Variants in CDH18 observed in about 807,000 individuals in gnomAD.
CDH18 encodes the protein cadherin-18.
CDH18 carries 31 observed loss-of-function variants against 67.9 expected under a neutral mutation model. The observed-to-expected ratio is 0.46, with a 90% CI of 0.34 to 0.62. The LOEUF is 0.62. Among genes scored for constraint, CDH18 ranks in the 20% least tolerant of loss-of-function variants. The pLI, the probability that CDH18 is intolerant of heterozygous loss-of-function variation, is 0.01. For synonymous variants in CDH18, 362 were observed against 347.2 expected, an observed-to-expected ratio of 1.04 and a Z score of -0.48; for missense variants, 890 against 975.5, an observed-to-expected ratio of 0.91 and a Z score of 1.17.
chr5:20,404,419 G>C (rs78690251), intron 1 of CDH18, among the ~76,000 whole-genome samples: 1,615 of 152,210 alleles, frequency 0.011, 33 homozygotes, highest in African/African-American at 0.037. Flanking sequence ...ATCATTTCCA[G>C]CTTGCAATTT....
chr5:19,673,947 A>AT (rs1244438989), intron 5 of CDH18, among the ~76,000 whole-genome samples: 3 of 152,018 alleles, frequency 2.0e-5, no homozygotes, highest in African/African-American at 4.8e-5. Flanking sequence ...CCACATCTTT[A>AT]TTTTTTTAAT....
intron 1 of CDH18, among the ~76,000 whole-genome samples, chr5:20,571,034 C>A (rs1227324002): frequency 6.6e-6 from 1 of 152,062 alleles, no homozygotes; most frequent in Non-Finnish European, 1.5e-5. Context: ...AGACATGAGT[C>A]CTCTTGTTTC....
intron 1 of CDH18, among the ~76,000 whole-genome samples, chr5:20,448,054 C>CAG (rs1750144308): frequency 6.6e-6 from 1 of 151,762 alleles, no homozygotes; most frequent in African/African-American, 2.4e-5. Flanking sequence ...CGTCCCCTCT[C>CAG]CCCCCACCCC....
chr5:20,462,430 G>A (rs1241156829), intron 1 of CDH18, among the ~76,000 whole-genome samples: 1 of 152,110 alleles, frequency 6.6e-6, no homozygotes, highest in Admixed American at 6.6e-5. Context: ...ATGTTTGATA[G>A]CTGAGTGGGT....
chr5:19,649,433 T>A (rs1285476084), intron 5 of CDH18, among the ~76,000 whole-genome samples: 1 of 152,082 alleles, frequency 6.6e-6, no homozygotes, highest in Non-Finnish European at 1.5e-5. Context: ...TTGGAAGATT[T>A]TTTCTACCTT....
At chr5:20,430,692 G>A (rs1014993143) in intron 1 of CDH18, among the ~76,000 whole-genome samples, 4 of 152,076 alleles carry the variant, frequency 2.6e-5, no homozygotes, top group Admixed American at 2.6e-4. Context: ...CTAAACAGAT[G>A]GTGAGCCAGA....
intron 1 of CDH18, among the ~76,000 whole-genome samples, chr5:19,985,513 C>A (rs1467871626): frequency 6.6e-6 from 1 of 151,836 alleles, no homozygotes; most frequent in Non-Finnish European, 1.5e-5. Context: ...TTTATTGACA[C>A]AAGTTGGAGG....
At chr5:20,396,490 G>A (rs751765939) in intron 1 of CDH18, among the ~76,000 whole-genome samples, 1 of 150,870 alleles carries the variant, frequency 6.6e-6, no homozygotes, top group Non-Finnish European at 1.5e-5. Context: ...TAAGCATAAT[G>A]AAGCTACTAC....
intron 2 of CDH18, among the ~76,000 whole-genome samples, chr5:20,215,746 T>G (rs989577426): frequency 6.6e-6 from 1 of 151,962 alleles, no homozygotes; most frequent in African/African-American, 2.4e-5. Context: ...AGTGGCAGAC[T>G]GGATAAAGAA....
Position 20,328,504 on chromosome 5 carries a change from T to TGA in CDH18, c.-579-73000_-579-72999insTC, listed in dbSNP as rs1308645559. ...GTGTGTGTGTGTGTGTGTGTGTGTG[T>TGA]GTGTGAGAGAGAGAGAGAGAGAGAG... is the stretch of plus-strand genomic sequence containing the variant. On this transcript the variant is annotated intron_variant, in intron 1 of 14. Coordinates refer to the CDH18 transcript ENST00000507958. Among the ~76,000 whole-genome samples, 10 of 108,010 alleles carry TGA rather than the reference T, an allele frequency of 9.3e-5. No individual in the cohort carries two copies. The East Asian group carries it at 1.0e-3, about 11-fold the overall frequency. 70.9% of individuals were successfully genotyped at this position (108,010 alleles called of 152,430 possible). A position where few individuals can be genotyped will look rare whatever the true frequency, so the allele number is the denominator to read the frequency against.
intron 2 of CDH18, among the ~76,000 whole-genome samples, chr5:20,037,724 A>G (rs1395518063): frequency 3.9e-5 from 6 of 152,152 alleles, no homozygotes; most frequent in African/African-American, 1.2e-4. Context: ...GGAAATTTAT[A>G]GCACCAAATG....
At chr5:19,582,298 T>C (rs1743394050) in intron 7 of CDH18, among the ~76,000 whole-genome samples, 1 of 152,030 alleles carries the variant, frequency 6.6e-6, no homozygotes. Context: ...CCCATGCATA[T>C]ATATAGCTTA....
intron 2 of CDH18, among the ~76,000 whole-genome samples, chr5:20,030,921 G>T (rs1190537934): frequency 6.6e-6 from 1 of 152,146 alleles, no homozygotes; most frequent in Non-Finnish European, 1.5e-5. Context: ...CAGAGGAATT[G>T]TGCTGCAGTG....
chr5:19,950,396 T>TA (rs1458305097), intron 2 of CDH18, among the ~76,000 whole-genome samples: 1 of 151,990 alleles, frequency 6.6e-6, no homozygotes, highest in East Asian at 1.9e-4. Flanking sequence ...GGTTGAGGGA[T>TA]AAAAAATTGT....
At chr5:19,919,114 T>C (rs1055880660) in intron 2 of CDH18, among the ~76,000 whole-genome samples, 1 of 151,684 alleles carries the variant, frequency 6.6e-6, no homozygotes, top group Non-Finnish European at 1.5e-5. Context: ...ACTGAAAGGG[T>C]TCAGAGAGAT....
At chr5:19,560,390 A>G (rs1304990411) in intron 8 of CDH18, among the ~76,000 whole-genome samples, 3 of 152,112 alleles carry the variant, frequency 2.0e-5, no homozygotes, top group Non-Finnish European at 4.4e-5. Flanking sequence ...TGACAAAGCA[A>G]ACAGAAATGT....
chr5:19,852,192 GT>G (rs1285998109), intron 2 of CDH18, among the ~76,000 whole-genome samples: 1 of 151,976 alleles, frequency 6.6e-6, no homozygotes, highest in South Asian at 2.1e-4. Flanking sequence ...GCTGATTTCT[GT>G]TTCAGTTTTG....
chr5:20,545,714 G>C (rs535666664), intron 1 of CDH18, among the ~76,000 whole-genome samples: 29 of 152,322 alleles, frequency 1.9e-4, no homozygotes, highest in African/African-American at 6.5e-4. Context: ...CCAGGACTGT[G>C]ATGAGAGGGG....
chr5:20,047,185 G>A (rs562110706), intron 2 of CDH18, among the ~76,000 whole-genome samples: 1 of 151,822 alleles, frequency 6.6e-6, no homozygotes, highest in Non-Finnish European at 1.5e-5. Flanking sequence ...GTTGGGCTTA[G>A]ATACAATTGG....
Sources: gnomAD v4.1 joint callset for allele counts (sites outside exome capture counted in the v4.1 genomes callset) on GRCh38, gnomAD v4.1.1 for gene constraint, MANE v1.5 for transcripts, NCBI Gene and HGNC (gene_info 2026-07-23, HGNC 2026-07-21) for gene names.